The following LPL variants were observed in gnomAD, a reference collection of about 807,000 sequenced individuals.
LPL encodes the protein lipoprotein lipase, also known as phospholipase A1.
LPL carries 43 observed loss-of-function variants against 52.2 expected under a neutral mutation model. The observed-to-expected ratio is 0.82, with a 90% confidence interval of 0.64 to 1.06. The LOEUF (loss-of-function observed/expected upper bound fraction) is 1.06, where lower values mean the gene tolerates loss of function less well. Ranked by LOEUF, LPL falls within the 50% of genes least tolerant of loss-of-function variation. LPL has a pLI of 0.00. For missense variants in LPL, 639 were observed against 585.3 expected, an observed-to-expected ratio of 1.09 and a Z score of -0.95; for synonymous variants, 244 against 215.6, an observed-to-expected ratio of 1.13 and a Z score of -1.15.
At position 19,939,431 on chromosome 8, in the gene LPL, G is replaced by A. The variant is rs201280837; in HGVS notation, c.-10G>A. 210 of 1,603,740 alleles carry A rather than the reference G, an allele frequency of 1.3e-4. No homozygotes were observed. Among genetic ancestry groups the A allele is most frequent in the Non-Finnish European group, 1.7e-4 (205 of 1,175,880 alleles). On this transcript the variant is annotated 5_prime_UTR_variant, in exon 1 of 10. Coordinates refer to ENST00000650287, the MANE Select transcript of LPL (RefSeq NM_000237.3). This position sits in a 1 kb window ranked among gnomAD's most constrained non-coding sequence, Gnocchi z 4.0. ...CGCCTTGCAGCTCCTCCAGAGGGACGCGCCCCGAGATGGAGAGCAAAGCCC... is the reference window on the plus strand; with the variant it reads ...CGCCTTGCAGCTCCTCCAGAGGGACACGCCCCGAGATGGAGAGCAAAGCCC...
chr8:19,947,766 G>T (rs73667468), intron 1 of LPL, among the ~76,000 whole-genome samples: 11,374 of 149,312 alleles, frequency 0.076, 1,065 homozygotes, highest in African/African-American at 0.23. Context: ...CTGAGAGACC[G>T]GGCTCTGATC....
At chr8:19,948,508 T>C in intron 2 of LPL, 168 bp downstream of exon 2, 2 of 726,862 alleles carry the variant, frequency 2.8e-6, no homozygotes. Flanking sequence ...AGCCACAGGT[T>C]CATGAGAACT....
chr8:19,965,756 T>TTAATGATACG lies in LPL; in HGVS notation c.*446_*447insTAATGATACG. 1 of 157,994 alleles carries TTAATGATACG rather than the reference T, an allele frequency of 6.3e-6. No homozygotes were observed. Among genetic ancestry groups the TTAATGATACG allele is most frequent in the Admixed American group, 6.3e-5 (1 of 15,828 alleles). 9.8% of individuals were successfully genotyped at this position (157,994 alleles called of 1,614,324 possible). On this transcript the variant is annotated 3_prime_UTR_variant, in exon 10 of 10. Transcript: ENST00000650287. ...TCTCCAAGAATACAGAAAATGCTTTTCCGCGGCACGAATCAGACTCATCTA... is the reference window on the plus strand; with the variant it reads ...TCTCCAAGAATACAGAAAATGCTTTTTAATGATACGCCGCGGCACGAATCAGACTCATCTA...
intron 1 of LPL, among the ~76,000 whole-genome samples, chr8:19,940,215 C>T (rs1385917758): frequency 6.6e-6 from 1 of 152,244 alleles, no homozygotes; most frequent in Non-Finnish European, 1.5e-5. Flanking sequence ...CTTCCAGGCT[C>T]GCATGCCCCT....
At chr8:19,942,497 A>T (rs1272694514) in intron 1 of LPL, among the ~76,000 whole-genome samples, 1 of 152,184 alleles carries the variant, frequency 6.6e-6, no homozygotes, top group Admixed American at 6.5e-5. Context: ...AACAACAAAA[A>T]CACTTATCAG....
chr8:19,954,423 C>G (rs1349251477), intron 5 of LPL, 70 bp downstream of exon 5: 1 of 1,422,214 alleles, frequency 7.0e-7, no homozygotes, highest in Non-Finnish European at 9.9e-7. Context: ...ATGTCCTACT[C>G]AGTAGCTTCA....
At chr8:19,946,279 T>C (rs2069881206) in intron 1 of LPL, among the ~76,000 whole-genome samples, 1 of 152,196 alleles carries the variant, frequency 6.6e-6, no homozygotes, top group South Asian at 2.1e-4. Context: ...AAACTCCTTT[T>C]CTCATAATTA....
intron 9 of LPL, among the ~76,000 whole-genome samples, chr8:19,963,696 T>C (rs1281598082): frequency 6.6e-6 from 1 of 152,140 alleles, no homozygotes; most frequent in Non-Finnish European, 1.5e-5. Context: ...AAAAATAGAA[T>C]TATGGTGTAT....
chr8:19,948,242 G>A lies in LPL; in HGVS notation c.151G>A (p.Glu51Lys), dbSNP rs1172697567. The A allele has an allele frequency of 1.2e-6, 2 of 1,614,118 alleles. No individual in the cohort carries two copies. Among genetic ancestry groups the A allele is most frequent in the East Asian group, 2.2e-5 (1 of 44,880 alleles). The change falls in exon 2 of 10, where the codon GAG becomes AAG. Residue 51 changes from glutamate to lysine, a missense_variant. By Grantham distance (56) the Glu-to-Lys change is moderately conservative (BLOSUM62 1). Transcript: ENST00000650287. ...FALRTPEDTAEDTCHLIPGVA... is the reference protein window; with the variant it reads ...FALRTPEDTAKDTCHLIPGVA... ...CCTAAGGACCCCTGAAGACACAGCT[G>A]AGGACACTTGCCACCTCATTCCCGG...
intron 3 of LPL, 25 bp from the exon 4 acceptor site, chr8:19,953,285 C>T (rs576232776): frequency 2.8e-6 from 4 of 1,413,964 alleles, no homozygotes; most frequent in South Asian, 2.3e-5. Context: ...ACTGTAAGCA[C>T]CTTCATTTTC....
intron 6 of LPL, 26 bp from the exon 7 acceptor site, chr8:19,959,234 A>G (rs764634619): frequency 6.2e-7 from 1 of 1,614,062 alleles, no homozygotes; most frequent in South Asian, 1.1e-5. Flanking sequence ...AGATTGATCA[A>G]CATGTTCGAA....
At chr8:19,963,723 G>C (rs960645365) in intron 9 of LPL, among the ~76,000 whole-genome samples, 1 of 152,004 alleles carries the variant, frequency 6.6e-6, no homozygotes, top group Admixed American at 6.6e-5. Flanking sequence ...TGAATGACTA[G>C]ATGAGAACAT....
At chr8:19,953,217 A>G in intron 3 of LPL, 93 bp from the exon 4 acceptor site, 5 of 767,320 alleles carry the variant, frequency 6.5e-6, no homozygotes, top group South Asian at 1.5e-5. Context: ...AGTATTTCCT[A>G]TATTTGGAAA....
chr8:19,958,147 TA>T (rs933589343), intron 6 of LPL, among the ~76,000 whole-genome samples: 55 of 151,980 alleles, frequency 3.6e-4, no homozygotes, highest in African/African-American at 1.2e-3. Flanking sequence ...GCCTCCTGAG[TA>T]ACTGGGATTA....
At chr8:19,961,398 C>T (rs2070037997) in intron 8 of LPL, among the ~76,000 whole-genome samples, 1 of 151,832 alleles carries the variant, frequency 6.6e-6, no homozygotes. Context: ...CTTGTAAGTA[C>T]AAAATAGTTA....
intron 4 of LPL, among the ~76,000 whole-genome samples, 170 bp downstream of exon 4, chr8:19,953,591 C>G (rs1015280218): frequency 6.6e-6 from 1 of 152,158 alleles, no homozygotes; most frequent in Non-Finnish European, 1.5e-5. Context: ...TAAGAAAAAA[C>G]ACAGACGCTC....
intron 1 of LPL, among the ~76,000 whole-genome samples, chr8:19,943,607 T>G (rs1175028463): frequency 6.6e-6 from 1 of 152,200 alleles, no homozygotes; most frequent in East Asian, 1.9e-4. Context: ...GTAAGTATTT[T>G]GTATTTCACT....
At position 19,953,431 on chromosome 8, in the gene LPL, C is replaced by G; in HGVS notation, c.541+10C>G. The stretch of plus-strand genomic sequence containing the variant: ...GTCAACAGAATTACTGGTAAGAAAG[C>G]AATTTCGTTGGTCTTATCATAAGAG... On this transcript the variant is annotated intron_variant, in intron 4 of 9. Coordinates refer to ENST00000650287, the MANE Select transcript of LPL (RefSeq NM_000237.3). 6.3e-7 allele frequency: 1 copy of G among 1,595,046 alleles called. No individual in the cohort carries two copies. Among genetic ancestry groups the G allele is most frequent in the Non-Finnish European group, 8.6e-7 (1 of 1,162,942 alleles).
intron 6 of LPL, among the ~76,000 whole-genome samples, chr8:19,957,333 A>G (rs994518004): frequency 5.3e-5 from 8 of 152,234 alleles, no homozygotes; most frequent in African/African-American, 1.9e-4. Context: ...ATGATATTAA[A>G]GAACAGTGGC....
Sources: allele counts gnomAD v4.1 joint callset (sites outside exome capture counted in the v4.1 genomes callset), GRCh38; gene constraint gnomAD v4.1.1; non-coding constraint Gnocchi (gnomAD v3.1); transcripts MANE v1.5; gene names NCBI Gene and HGNC (gene_info 2026-07-23, HGNC 2026-07-21).